Variants in LRIG1 observed in about 807,000 individuals in gnomAD.
LRIG1 encodes leucine rich repeats and immunoglobulin like domains 1.
A neutral mutation model predicts 99.2 loss-of-function variants in LRIG1; 48 were observed. The ratio of observed to expected loss-of-function variants is 0.48; its 90% CI spans 0.38 to 0.62. The LOEUF is 0.62. LRIG1 is among the 20% of genes least tolerant of loss of function. The pLI is 0.00. For missense variants in LRIG1, 1,646 were observed against 1,434.4 expected (o/e 1.15, Z -2.38); for synonymous variants, 772 against 596.1 (o/e 1.29, Z -4.30).
intron 3 of LRIG1, among the ~76,000 whole-genome samples, chr3:66,422,991 A>T (rs1278146212): frequency 6.6e-6 from 1 of 152,158 alleles, no homozygotes; most frequent in East Asian, 1.9e-4. Flanking sequence ...ATTCACTATT[A>T]TGAGAACAGC....
intron 1 of LRIG1, among the ~76,000 whole-genome samples, chr3:66,463,613 A>C (rs1428548457): frequency 1.3e-5 from 2 of 152,206 alleles, no homozygotes; most frequent in Non-Finnish European, 2.9e-5. Flanking sequence ...CTTTGCCAGA[A>C]AGTAATCTTT....
chr3:66,500,268 C>A lies in LRIG1; in HGVS notation c.140G>T (p.Cys47Phe). 3 of 1,499,444 alleles carry A rather than the reference C, an allele frequency of 2.0e-6. No individual in the cohort carries two copies. The highest frequency in any genetic ancestry group is 1.8e-6 in the Non-Finnish European group (2 of 1,130,710). The allele number at this position is 1,499,444 out of a possible 1,614,324, so 92.9% of individuals were successfully genotyped here. Residue 47 changes from cysteine to phenylalanine, a missense_variant, in exon 1 of 19, where the codon TGC (cysteine) becomes TTC (phenylalanine). By Grantham distance (205) the Cys-to-Phe change is radical (BLOSUM62 -2). Coordinates refer to ENST00000273261, the MANE Select transcript of LRIG1 (RefSeq NM_015541.3). Reference protein sequence around the residue: ...PRAPCAAACTCAGDSLDCGGR... With the variant: ...PRAPCAAACTFAGDSLDCGGR... ...ACCGCAGTCCAGCGAGTCCCCAGCG[C>A]AAGTGCAGGCGGCCGCGCAGGGCGC... is the stretch of plus-strand genomic sequence containing the variant.
intron 3 of LRIG1, among the ~76,000 whole-genome samples, chr3:66,424,530 A>G (rs7651129): frequency 0.063 from 9,643 of 152,268 alleles, 358 homozygotes; most frequent in South Asian, 0.15. Flanking sequence ...CCAAGTGGTC[A>G]TCATTTTCAC....
At position 66,384,230 on chromosome 3, in the gene LRIG1, C is replaced by T. The variant is rs1320923756; in HGVS notation, c.1832G>A (p.Arg611Gln). Residue 611 changes from arginine to glutamine, a missense_variant, in exon 14 of 19, where the codon CGG becomes CAG. Transcript: ENST00000273261. ...FTKTPHDITI[R>Q]TTTMARLECA... ...TTCGAGGCGGGCCATGGTGGTGGTCCGGATGGTTATGTCGTGGGGCGTTTT... is the reference window on the plus strand; with the variant it reads ...TTCGAGGCGGGCCATGGTGGTGGTCTGGATGGTTATGTCGTGGGGCGTTTT... 9.9e-6 allele frequency: 16 copies of T among 1,613,832 alleles called. No homozygotes were observed. Among genetic ancestry groups the T allele is most frequent in the East Asian group, 6.7e-5 (3 of 44,862 alleles).
intron 9 of LRIG1, among the ~76,000 whole-genome samples, chr3:66,400,737 A>G (rs1702020041): frequency 6.6e-6 from 1 of 152,202 alleles, no homozygotes; most frequent in Non-Finnish European, 1.5e-5. Context: ...AAGGAGGAAA[A>G]GAAAGGAAAT....
At chr3:66,384,294 G>C (rs759342006) in intron 13 of LRIG1, 22 bp from the exon 14 acceptor site, 2 of 1,600,090 alleles carry the variant, frequency 1.2e-6, no homozygotes, top group Non-Finnish European at 1.7e-6. Context: ...ACGTATACAG[G>C]GTCGGGTTAC....
intron 2 of LRIG1, among the ~76,000 whole-genome samples, chr3:66,455,070 G>A (rs779566609): frequency 9.9e-5 from 15 of 152,038 alleles, no homozygotes; most frequent in Non-Finnish European, 1.5e-4. Context: ...TCAGCCTCCC[G>A]AGTAGCTGGG....
At position 66,500,441 on chromosome 3, in the gene LRIG1, G is replaced by C. The variant is rs1701333311; in HGVS notation, c.-34C>G. ...GAGCGCGCTGCGAACTCCGGGCGCG[G>C]GGACTGTGAGGACCCGAACGGCCGC... On this transcript the variant is annotated 5_prime_UTR_variant, in exon 1 of 19. Coordinates refer to ENST00000273261, the MANE Select transcript of LRIG1 (RefSeq NM_015541.3). 1 of 1,291,836 alleles carries C rather than the reference G, an allele frequency of 7.7e-7. No homozygotes were observed. Among genetic ancestry groups the C allele is most frequent in the South Asian group, 2.0e-5 (1 of 50,546 alleles). The allele number at this position is 1,291,836 out of a possible 1,614,324, so 80.0% of individuals were successfully genotyped here. A position where few individuals can be genotyped will look rare whatever the true frequency, so the allele number is the denominator to read the frequency against.
At chr3:66,396,841 A>G (rs1701870677) in intron 11 of LRIG1, among the ~76,000 whole-genome samples, 1 of 152,258 alleles carries the variant, frequency 6.6e-6, no homozygotes, top group Non-Finnish European at 1.5e-5. Context: ...CTTGTCTTCT[A>G]CAACCAATGT....
intron 12 of LRIG1, chr3:66,387,772 C>T (rs1272319058): frequency 6.6e-5 from 10 of 151,952 alleles, no homozygotes; most frequent in African/African-American, 2.2e-4. Context: ...CATATTCAAA[C>T]ACCTCAAGGA....
intron 1 of LRIG1, among the ~76,000 whole-genome samples, chr3:66,473,833 G>C (rs746184937): frequency 1.3e-5 from 2 of 152,174 alleles, no homozygotes; most frequent in African/African-American, 4.8e-5. Context: ...CTAGCTTATC[G>C]ACTTGGGATC....
At chr3:66,469,423 A>G (rs1204638316) in intron 1 of LRIG1, among the ~76,000 whole-genome samples, 1 of 152,214 alleles carries the variant, frequency 6.6e-6, no homozygotes, top group East Asian at 1.9e-4. Context: ...ATACAGCTAT[A>G]TATGGACCCA....
chr3:66,480,784 AATT>A (rs1490210651), intron 1 of LRIG1, among the ~76,000 whole-genome samples: 1 of 152,216 alleles, frequency 6.6e-6, no homozygotes, highest in African/African-American at 2.4e-5. Flanking sequence ...TCCTTTGAGA[AATT>A]ATTTAGCAAG....
intron 3 of LRIG1, among the ~76,000 whole-genome samples, chr3:66,450,657 C>A (rs1480232770): frequency 6.6e-6 from 1 of 152,218 alleles, no homozygotes; most frequent in African/African-American, 2.4e-5. Flanking sequence ...CAAAGTTTCT[C>A]TGCTCAGCCT....
intron 1 of LRIG1, among the ~76,000 whole-genome samples, chr3:66,490,941 A>G (rs1044061809): frequency 6.6e-6 from 1 of 152,244 alleles, no homozygotes; most frequent in Non-Finnish European, 1.5e-5. Flanking sequence ...CAAAAAATCC[A>G]TTCTAAAGAA....
At chr3:66,421,385 A>G (rs1180069899) in intron 3 of LRIG1, among the ~76,000 whole-genome samples, 3 of 152,206 alleles carry the variant, frequency 2.0e-5, no homozygotes, top group Non-Finnish European at 4.4e-5. Flanking sequence ...TAGATACAAT[A>G]GGGGTATCAG....
intron 12 of LRIG1, among the ~76,000 whole-genome samples, chr3:66,389,225 A>C (rs572472836): frequency 6.6e-6 from 1 of 152,218 alleles, no homozygotes; most frequent in African/African-American, 2.4e-5. Context: ...TAACTAAAAA[A>C]TACCCGTGTA....
chr3:66,403,550 T>A (rs546076334), intron 9 of LRIG1, among the ~76,000 whole-genome samples: 1 of 152,128 alleles, frequency 6.6e-6, no homozygotes, highest in East Asian at 1.9e-4. Context: ...TGGGCTGACC[T>A]CTTGGGGCTC....
At chr3:66,405,644 C>A (rs1030139853) in intron 8 of LRIG1, 1 of 931,168 alleles carries the variant, frequency 1.1e-6, no homozygotes, top group African/African-American at 1.7e-5. Context: ...AGGCTCCCGT[C>A]TGCTCTCATA....
Sources: allele counts gnomAD v4.1 joint callset (sites outside exome capture counted in the v4.1 genomes callset), GRCh38; gene constraint gnomAD v4.1.1; transcripts MANE v1.5; gene names NCBI Gene and HGNC (gene_info 2026-07-23, HGNC 2026-07-21).